CD6: variants seen among roughly 807,000 people sequenced by gnomAD.
The protein encoded by CD6 is CD6 molecule.
A neutral mutation model predicts 75.3 loss-of-function variants in CD6; 53 were observed. That is an observed-to-expected ratio of 0.70 (90% CI 0.56 to 0.88). CD6 has a LOEUF of 0.88. CD6 is among the 40% of genes least tolerant of loss of function. CD6 has a pLI of 0.00. For missense variants in CD6, 770 were observed against 897.1 expected (o/e 0.86, Z 1.81); for synonymous variants, 359 against 381.5 (o/e 0.94, Z 0.69).
intron 1 of CD6, among the ~76,000 whole-genome samples, chr11:60,995,116 C>G (rs533648544): frequency 9.7e-4 from 147 of 150,972 alleles, no homozygotes; most frequent in African/African-American, 3.5e-3. Flanking sequence ...TATGAGCCAG[C>G]GCATGCGTCT....
chr11:61,018,166 C>G, intron 11 of CD6, 123 bp from the exon 12 acceptor site: 2 of 1,286,174 alleles, frequency 1.6e-6, no homozygotes, highest in Non-Finnish European at 2.1e-6. Flanking sequence ...ATCTCTGGGC[C>G]TTCACTTTGT....
rs1330053622 is a variant in CD6 at position 61,007,525 on chromosome 11, C to A, written c.119-35C>A. 7.1e-7 allele frequency: 1 copy of A among 1,410,472 alleles called. No individual in the cohort carries two copies. The highest frequency in any genetic ancestry group is 9.3e-7 in the Non-Finnish European group (1 of 1,077,014). The allele number at this position is 1,410,472 out of a possible 1,614,324, so 87.4% of individuals were successfully genotyped here. A position where few individuals can be genotyped will look rare whatever the true frequency, so the allele number is the denominator to read the frequency against. On this transcript the variant is annotated intron_variant, in intron 2 of 12. Transcript: ENST00000313421. The surrounding 1 kb of genome is among the most constrained non-coding windows in gnomAD (Gnocchi z 4.2). ...GCCTGGGCAACCCTCTGCCCAGGCC[C>A]CACCGGTCTCAGCTCTCTGGTCTGA...
At chr11:61,012,511 AG>A (rs1859200708) in intron 6 of CD6, among the ~76,000 whole-genome samples, 1 of 152,194 alleles carries the variant, frequency 6.6e-6, no homozygotes, top group South Asian at 2.1e-4. Flanking sequence ...AGACGGGGAG[AG>A]GAGAAAATGA....
chr11:61,019,305 T>C lies in CD6; in HGVS notation c.1994T>C (p.Ile665Thr), dbSNP rs371472396. 11 of 1,609,232 alleles carry C rather than the reference T, an allele frequency of 6.8e-6. No homozygotes were observed. Among genetic ancestry groups the C allele is most frequent in the Non-Finnish European group, 9.3e-6 (11 of 1,179,760 alleles). The change falls in exon 13 of 13, where the codon ATC becomes ACC. Residue 665 changes from isoleucine to threonine, a missense_variant. Transcript: ENST00000313421. Reference protein sequence around the residue: ...DSTDNDDYDDISAA With the variant: ...DSTDNDDYDDTSAA ...ACCGACAACGATGACTACGATGACA[T>C]CAGCGCAGCCTAGGCCGGGGCCAGC...
At chr11:61,013,801 T>G (rs1314411560) in intron 7 of CD6, 118 bp from the exon 8 acceptor site, 1 of 761,774 alleles carries the variant, frequency 1.3e-6, no homozygotes, top group Admixed American at 2.7e-5. Context: ...CGCGCACATG[T>G]GCCTGCAAGT....
At chr11:61,016,157 G>A (rs1167337395) in intron 9 of CD6, among the ~76,000 whole-genome samples, 1 of 152,176 alleles carries the variant, frequency 6.6e-6, no homozygotes, top group Non-Finnish European at 1.5e-5. Flanking sequence ...GCGGGGGAGT[G>A]CGGATGAGAG....
At position 60,981,218 on chromosome 11, in the gene CD6, GCTA is replaced by G. The variant is rs1565142052; in HGVS notation, c.49+9308_49+9310del. Among the ~76,000 whole-genome samples the G allele has an allele frequency of 1.1e-4, 17 of 152,264 alleles. No homozygotes were observed. The South Asian group carries it at 3.3e-3, about 30-fold the overall frequency. ...TCGTCACAGCCCTAAGGAGGTATGC[GCTA>G]CTATTTAATACTTCCATTTTACTGA... On this transcript the variant is annotated intron_variant, in intron 1 of 12. Coordinates refer to ENST00000313421, the MANE Select transcript of CD6 (RefSeq NM_006725.5).
At chr11:60,991,432 C>T (rs1220137426) in intron 1 of CD6, among the ~76,000 whole-genome samples, 8 of 152,106 alleles carry the variant, frequency 5.3e-5, no homozygotes, top group Non-Finnish European at 7.4e-5. Context: ...TGATTACAGG[C>T]GTGAGCCCCG....
intron 1 of CD6, among the ~76,000 whole-genome samples, chr11:60,984,260 G>A (rs1477464763): frequency 6.6e-6 from 1 of 152,126 alleles, no homozygotes; most frequent in Admixed American, 6.5e-5. Flanking sequence ...TGGTTACCTG[G>A]TGGTGATATT....
chr11:60,982,903 G>A (rs1357582252), intron 1 of CD6: 2 of 374,904 alleles, frequency 5.3e-6, no homozygotes. Context: ...ACCAGGCACA[G>A]GCTTAACTAA....
chr11:61,002,215 C>T (rs764934380), intron 1 of CD6, among the ~76,000 whole-genome samples: 1 of 152,216 alleles, frequency 6.6e-6, no homozygotes, highest in South Asian at 2.1e-4. Context: ...GCCGTTTCCC[C>T]TGTGAATGGG....
chr11:60,971,953 A>T, intron 1 of CD6, 39 bp downstream of exon 1: 1 of 1,605,644 alleles, frequency 6.2e-7, no homozygotes, highest in Non-Finnish European at 8.5e-7. Flanking sequence ...CTGGTGCTGG[A>T]GGAGCCGGGT....
chr11:61,015,527 C>T, intron 8 of CD6, 186 bp from the exon 9 acceptor site: 1 of 652,982 alleles, frequency 1.5e-6, no homozygotes, highest in Non-Finnish European at 2.6e-6. Context: ...GCTGTGATGG[C>T]ACCACTGTAC....
rs936524595 is a variant in CD6 at position 61,017,237 on chromosome 11, T to G, written c.1511-242T>G. ...AAGTAGCAGGAGGGACAGCTGGGGC[T>G]GGGGGCTGGGGGGTTGTAGGGCACT... On this transcript the variant is annotated intron_variant, in intron 9 of 12. Transcript: ENST00000313421. 7.4e-6 allele frequency: 4 copies of G among 537,140 alleles called. No homozygotes were observed. The African/African-American group carries it at 7.6e-5, about 10-fold the overall frequency. The allele number at this position is 537,140 out of a possible 1,614,324, so 33.3% of individuals were successfully genotyped here. A position where few individuals can be genotyped will look rare whatever the true frequency, so the allele number is the denominator to read the frequency against.
chr11:61,005,554 G>C (rs1309382493), intron 1 of CD6, among the ~76,000 whole-genome samples: 1 of 152,196 alleles, frequency 6.6e-6, no homozygotes. Flanking sequence ...ATCTGGCAGG[G>C]ACAACTGATT....
chr11:60,989,767 T>C (rs1857986831), intron 1 of CD6, among the ~76,000 whole-genome samples: 1 of 152,200 alleles, frequency 6.6e-6, no homozygotes, highest in African/African-American at 2.4e-5. Flanking sequence ...GCTCTGCCTC[T>C]TAGGGGCTCT....
intron 1 of CD6, chr11:60,985,173 C>CT (rs1565144491): frequency 3.8e-5 from 5 of 131,372 alleles, no homozygotes; most frequent in African/African-American, 1.1e-4. Flanking sequence ...TGCACCCACT[C>CT]CTTTTTTTTT....
intron 1 of CD6, chr11:61,004,634 G>A (rs778106066): frequency 2.0e-5 from 3 of 152,354 alleles, no homozygotes; most frequent in Non-Finnish European, 2.9e-5. Flanking sequence ...ATCTGCTCAG[G>A]TGAAGCTCCA....
At chr11:60,984,950 G>A (rs1857743962) in intron 1 of CD6, 1 of 152,216 alleles carries the variant, frequency 6.6e-6, no homozygotes, top group Non-Finnish European at 1.5e-5. Context: ...AGGGAAATGG[G>A]AGCTCATCAG....
Sources: gnomAD v4.1 joint callset for allele counts (sites outside exome capture counted in the v4.1 genomes callset) on GRCh38, gnomAD v4.1.1 for gene constraint, Gnocchi (gnomAD v3.1) non-coding constraint, MANE v1.5 for transcripts, NCBI Gene and HGNC (gene_info 2026-07-23, HGNC 2026-07-21) for gene names.